Variants in ABCC4 observed in about 807,000 individuals in gnomAD.
The protein encoded by ABCC4 is ATP-binding cassette sub-family C member 4.
A neutral mutation model predicts 168.5 loss-of-function variants in ABCC4; 102 were observed. That is an observed-to-expected ratio of 0.61 (90% CI 0.52 to 0.71). ABCC4 has a LOEUF of 0.71. Ranked by LOEUF, ABCC4 falls within the 30% of genes least tolerant of loss-of-function variation. The pLI is 0.00. For missense variants in ABCC4, 1,402 were observed against 1,605.8 expected (o/e 0.87, Z 2.17); for synonymous variants, 617 against 590.7 (o/e 1.04, Z -0.65).
At chr13:95,189,267 G>C (rs958606760) in intron 9 of ABCC4, among the ~76,000 whole-genome samples, 2 of 151,030 alleles carry the variant, frequency 1.3e-5, no homozygotes, top group African/African-American at 4.9e-5. Flanking sequence ...CCGAGTAGCT[G>C]GGACTACAGG....
At chr13:95,253,327 T>TA in intron 1 of ABCC4, among the ~76,000 whole-genome samples, 1 of 152,336 alleles carries the variant, frequency 6.6e-6, no homozygotes, top group South Asian at 2.1e-4. Context: ...TCACTTTTTT[T>TA]AAAAATCATG....
chr13:95,036,878 G>A (rs1365286970), intron 29 of ABCC4, among the ~76,000 whole-genome samples: 1 of 152,060 alleles, frequency 6.6e-6, no homozygotes, highest in South Asian at 2.1e-4. Context: ...GAGGCCAGGA[G>A]TTTGAAACCA....
At chr13:95,214,918 G>C (rs1023791602) in intron 4 of ABCC4, among the ~76,000 whole-genome samples, 10 of 147,610 alleles carry the variant, frequency 6.8e-5, no homozygotes, top group African/African-American at 2.5e-4. Context: ...TGTCAACTCT[G>C]AATTCTATCA....
At chr13:95,235,488 A>T (rs1326008856) in intron 3 of ABCC4, among the ~76,000 whole-genome samples, 2 of 152,126 alleles carry the variant, frequency 1.3e-5, no homozygotes, top group Non-Finnish European at 2.9e-5. Flanking sequence ...TTACAAACAG[A>T]CACCCCAGCT....
intron 20 of ABCC4, among the ~76,000 whole-genome samples, chr13:95,105,051 T>C (rs1246690774): frequency 2.0e-5 from 3 of 151,854 alleles, no homozygotes; most frequent in Admixed American, 6.6e-5. Flanking sequence ...CTTACCATAA[T>C]GTAGAATCAG....
At chr13:95,290,849 T>G in intron 1 of ABCC4, among the ~76,000 whole-genome samples, 1 of 147,512 alleles carries the variant, frequency 6.8e-6, no homozygotes. Flanking sequence ...ATACAAAAAT[T>G]AGCCGGGTGT....
At chr13:95,117,399 C>T (rs2035416892) in intron 19 of ABCC4, among the ~76,000 whole-genome samples, 1 of 152,160 alleles carries the variant, frequency 6.6e-6, no homozygotes, top group African/African-American at 2.4e-5. Flanking sequence ...TTTTCAAATG[C>T]AGGTCCTGAT....
In ABCC4 at chr13:95,234,731, T is replaced by C. The variant is rs763252669; in HGVS notation, c.410A>G (p.Tyr137Cys). ...CGTGCAAAAAGTCAGCACCGTGGCA[T>C]AGGCGTACGCTGTGTTCAAAGCCAC... The part of the protein sequence containing the change: ...DSVALNTAYA[Y>C]ATVLTFCTLI... Residue 137 changes from tyrosine (Y) to cysteine (C), a missense_variant, in exon 4 of 31, where the codon TAT becomes TGT. Physicochemically the swap from Tyr to Cys is radical, Grantham distance 194. This residue lies in a region of ABCC4 where 317 missense variants were observed against 345.5 expected (regional missense o/e 0.92). Transcript: ENST00000645237. 6 of 1,613,998 alleles carry C rather than the reference T, an allele frequency of 3.7e-6. No individual in the cohort carries two copies. The African/African-American group carries it at 4.0e-5, about 11-fold the overall frequency.
At chr13:95,189,854 A>G (rs943612621) in intron 9 of ABCC4, among the ~76,000 whole-genome samples, 2 of 152,222 alleles carry the variant, frequency 1.3e-5, no homozygotes, top group Admixed American at 6.5e-5. Context: ...GTTCTACTAT[A>G]AACACTGAGG....
rs144275017 is a variant in ABCC4, at chr13:95,231,931, G to A, written c.531+2679C>T. On this transcript the variant is annotated intron_variant, in intron 4 of 30. Coordinates refer to ENST00000645237, the MANE Select transcript of ABCC4 (RefSeq NM_005845.5). ...TTTTACTGAACCACTACCTCAAACC[G>A]GACTTCATGTAGGGTGTTTTTAAAG... Among the ~76,000 whole-genome samples the A allele has an allele frequency of 8.4e-3, 1,274 of 152,104 alleles. 19 individuals carry two copies. The highest frequency in any genetic ancestry group is 0.029 in the African/African-American group (1,198 of 41,478).
In ABCC4 at chr13:95,154,970, G is replaced by A. The variant is rs149415539; in HGVS notation, c.2455+6219C>T. ...ACTCTTTTTTTCTGGCAAGGAAGTG[G>A]GATATGGACATCAGATTTTATAGAG... On this transcript the variant is annotated intron_variant, in intron 19 of 30. Transcript: ENST00000645237. Among the ~76,000 whole-genome samples, 1,366 of 152,208 alleles carry A rather than the reference G, an allele frequency of 9.0e-3. 28 individuals are homozygous for A. Among genetic ancestry groups the A allele is most frequent in the African/African-American group, 0.03 (1,261 of 41,530 alleles).
intron 8 of ABCC4, among the ~76,000 whole-genome samples, chr13:95,204,157 C>T (rs1016269917): frequency 6.6e-6 from 1 of 152,134 alleles, no homozygotes; most frequent in Non-Finnish European, 1.5e-5. Context: ...AAAGTGGGAA[C>T]AGAGACGAGT....
At chr13:95,189,363 C>T (rs868573476) in intron 9 of ABCC4, among the ~76,000 whole-genome samples, 12 of 151,738 alleles carry the variant, frequency 7.9e-5, no homozygotes, top group Admixed American at 5.9e-4. Flanking sequence ...CCTCGTGATC[C>T]GCCCGCCTCG....
At chr13:95,089,390 A>T (rs941706258) in intron 20 of ABCC4, among the ~76,000 whole-genome samples, 2 of 152,082 alleles carry the variant, frequency 1.3e-5, no homozygotes, top group Non-Finnish European at 2.9e-5. Context: ...GAGGCCAAGG[A>T]GGGCGGATCA....
chr13:95,300,990 A>G (rs1159045395), intron 1 of ABCC4, among the ~76,000 whole-genome samples: 1 of 151,840 alleles, frequency 6.6e-6, no homozygotes, highest in Admixed American at 6.6e-5. Context: ...GGCCTCCAGT[A>G]GCAAAGCCAC....
chr13:95,091,757 C>CG (rs1555310661), intron 20 of ABCC4, among the ~76,000 whole-genome samples: 2 of 151,406 alleles, frequency 1.3e-5, no homozygotes, highest in African/African-American at 4.9e-5. Context: ...CAAAAACAAA[C>CG]AAAAAAAACA....
intron 11 of ABCC4, among the ~76,000 whole-genome samples, chr13:95,181,586 A>G (rs1043544222): frequency 6.6e-6 from 1 of 152,202 alleles, no homozygotes; most frequent in Non-Finnish European, 1.5e-5. Context: ...TTCTTGCTCC[A>G]CAGGTCAGCT....
At chr13:95,059,321 G>A (rs761572924) in intron 26 of ABCC4, among the ~76,000 whole-genome samples, 4 of 152,230 alleles carry the variant, frequency 2.6e-5, no homozygotes, top group Non-Finnish European at 4.4e-5. Context: ...AGGACGAAGT[G>A]GGAGATGGCA....
At chr13:95,109,415 C>CAT (rs1359794265) in intron 20 of ABCC4, among the ~76,000 whole-genome samples, 2 of 152,090 alleles carry the variant, frequency 1.3e-5, no homozygotes, top group Non-Finnish European at 2.9e-5. Context: ...CACACACACA[C>CAT]ACACAGGTGC....
Sources: gnomAD v4.1 joint callset for allele counts (sites outside exome capture counted in the v4.1 genomes callset) on GRCh38, gnomAD v4.1.1 for gene constraint, gnomAD v4.1.1 regional missense constraint, MANE v1.5 for transcripts, NCBI Gene and HGNC (gene_info 2026-07-23, HGNC 2026-07-21) for gene names.